AAK1: variants seen among roughly 807,000 people sequenced by gnomAD.
The protein encoded by AAK1 is AP2-associated protein kinase 1.
A neutral mutation model predicts 116.0 loss-of-function variants in AAK1; 37 were observed. The ratio of observed to expected loss-of-function variants is 0.32; its 90% CI spans 0.25 to 0.42. AAK1 has a LOEUF of 0.42. AAK1 is among the 10% of genes least tolerant of loss of function. The probability of loss-of-function intolerance (pLI) is 1.00; values close to 1 mark genes in which losing one functional copy is unlikely to be tolerated. For synonymous variants in AAK1, 458 were observed against 439.9 expected (o/e 1.04, Z -0.51); for missense variants, 919 against 1,170.6 (o/e 0.79, Z 3.14).
At chr2:69,485,342 T>C (rs1394208475) in intron 17 of AAK1, among the ~76,000 whole-genome samples, 1 of 152,228 alleles carries the variant, frequency 6.6e-6, no homozygotes, top group Non-Finnish European at 1.5e-5. Context: ...GGTGACATGT[T>C]GTGACTCTGG....
rs1159854090 is a variant in AAK1 at position 69,643,004 on chromosome 2, C to A, written c.37G>T (p.Gly13Cys). 1.2e-6 allele frequency: 2 copies of A among 1,611,600 alleles called. No individual in the cohort carries two copies. The highest frequency in any genetic ancestry group is 1.7e-6 in the Non-Finnish European group (2 of 1,178,936). ...CTGGAGCCGGAGCCCAGGCCAGAGC[C>A]GCCCTGCTCTCGCCGGGAGTCGAAA... ...KFFDSRREQGGSGLGSGSSGG... is the reference protein window; with the variant it reads ...KFFDSRREQGCSGLGSGSSGG... Residue 13 changes from glycine (G) to cysteine (C), a missense_variant, in exon 2 of 22, where the codon GGC (glycine) becomes TGC (cysteine). Gly to Cys is a radical substitution (Grantham distance 159). Coordinates refer to ENST00000409085, the MANE Select transcript of AAK1 (RefSeq NM_014911.5).
At chr2:69,529,952 A>G (rs2105021907) in intron 8 of AAK1, 56 bp downstream of exon 8, 1 of 1,401,412 alleles carries the variant, frequency 7.1e-7, no homozygotes, top group Non-Finnish European at 9.5e-7. Flanking sequence ...TTATCCCCCA[A>G]TTCATTCTTT....
chr2:69,602,710 T>C (rs920046286), intron 2 of AAK1, among the ~76,000 whole-genome samples: 1 of 152,190 alleles, frequency 6.6e-6, no homozygotes, highest in African/African-American at 2.4e-5. Context: ...CCTCCTTTGA[T>C]ACTGCAGTGA....
chr2:69,563,316 C>T (rs1309570287), intron 2 of AAK1, among the ~76,000 whole-genome samples: 1 of 152,076 alleles, frequency 6.6e-6, no homozygotes, highest in South Asian at 2.1e-4. Context: ...AGAGGAGAAA[C>T]ACACCAAAGT....
chr2:69,486,894 A>G (rs1026642603), intron 17 of AAK1, among the ~76,000 whole-genome samples: 9 of 152,190 alleles, frequency 5.9e-5, no homozygotes, highest in Non-Finnish European at 8.8e-5. Flanking sequence ...TCACATAGAC[A>G]TGGTCCCAGG....
chr2:69,521,892 G>A (rs1669800668), intron 10 of AAK1, among the ~76,000 whole-genome samples: 1 of 152,210 alleles, frequency 6.6e-6, no homozygotes, highest in Admixed American at 6.5e-5. Context: ...AAGAAGTCTA[G>A]ATCCCTGAGG....
At chr2:69,539,347 A>C (rs569191231) in intron 5 of AAK1, among the ~76,000 whole-genome samples, 2 of 152,316 alleles carry the variant, frequency 1.3e-5, no homozygotes, top group East Asian at 3.9e-4. Context: ...AGTATGAGTC[A>C]CACGGTGGTG....
chr2:69,610,234 G>A (rs894722975), intron 2 of AAK1, among the ~76,000 whole-genome samples: 3 of 152,162 alleles, frequency 2.0e-5, no homozygotes, highest in African/African-American at 4.8e-5. Context: ...TTCAGCAAGC[G>A]TGCCAAGACC....
At chr2:69,618,517 C>T (rs1232540060) in intron 2 of AAK1, among the ~76,000 whole-genome samples, 1 of 152,194 alleles carries the variant, frequency 6.6e-6, no homozygotes, top group Non-Finnish European at 1.5e-5. Flanking sequence ...GAGGTCAGAA[C>T]TTTCCTTGCT....
chr2:69,465,865 T>C lies in AAK1; in HGVS notation c.*10004A>G. On this transcript the variant is annotated 3_prime_UTR_variant, in exon 22 of 22. Transcript: ENST00000409085. ...GCTTGGACAGAGGTGTACACAGCTC[T>C]CTCACGGCCCGCGGGCAGGGGGACA... 7.7e-7 allele frequency: 1 copy of C among 1,290,806 alleles called. No homozygotes were observed. The highest frequency in any genetic ancestry group is 1.5e-5 in the African/African-American group (1 of 65,920). The allele number at this position is 1,290,806 out of a possible 1,614,324, so 80.0% of individuals were successfully genotyped here.
At chr2:69,517,448 C>T (rs1676628845) in intron 12 of AAK1, among the ~76,000 whole-genome samples, 1 of 151,994 alleles carries the variant, frequency 6.6e-6, no homozygotes, top group Non-Finnish European at 1.5e-5. Flanking sequence ...CCTCAATACA[C>T]CGATTGATCT....
At chr2:69,500,698 T>TAGACACACAC in intron 16 of AAK1, among the ~76,000 whole-genome samples, 1 of 65,102 alleles carries the variant, frequency 1.5e-5, no homozygotes, top group African/African-American at 7.9e-5. Context: ...TATATATATA[T>TAGACACACAC]ACACACACAC....
rs904885086 is a variant in AAK1, at chr2:69,613,329, G to C, written c.163+29549C>G. On this transcript the variant is annotated intron_variant, in intron 2 of 21. Transcript: ENST00000409085. Reference sequence around the variant, plus strand: ...CTTGTAGTAATTTCCTGAGTGGTAGGGGTGATAGGAGCATCTTTTGTTAAT... The same window carrying C: ...CTTGTAGTAATTTCCTGAGTGGTAGCGGTGATAGGAGCATCTTTTGTTAAT... Among the ~76,000 whole-genome samples, 6 of 152,170 alleles carry C rather than the reference G, an allele frequency of 3.9e-5. 1 individual carries two copies. Among genetic ancestry groups the C allele is most frequent in the Admixed American group, 3.9e-4 (6 of 15,276 alleles).
At chr2:69,595,826 A>G (rs973255847) in intron 2 of AAK1, among the ~76,000 whole-genome samples, 1 of 152,244 alleles carries the variant, frequency 6.6e-6, no homozygotes, top group Non-Finnish European at 1.5e-5. Flanking sequence ...AGGAGAAGTC[A>G]GTGCCTGGCT....
rs1670285671 is a variant in AAK1 at position 69,532,175 on chromosome 2, C to T, written c.535-13G>A. ...GGATGTTTTCAACCTGAAAAACATT[C>T]CCCAACCACCCATTCCAAGATATCA... On this transcript the variant is annotated splice_polypyrimidine_tract_variant and intron_variant, in intron 5 of 21. Coordinates refer to ENST00000409085, the MANE Select transcript of AAK1 (RefSeq NM_014911.5). 2 of 1,612,430 alleles carry T rather than the reference C, an allele frequency of 1.2e-6. No individual in the cohort carries two copies. Among genetic ancestry groups the T allele is most frequent in the Non-Finnish European group, 1.7e-6 (2 of 1,178,886 alleles).
chr2:69,604,744 C>T (rs577162113), intron 2 of AAK1, among the ~76,000 whole-genome samples: 69 of 152,210 alleles, frequency 4.5e-4, no homozygotes, highest in African/African-American at 1.6e-3. Context: ...GGGTCCAATA[C>T]GTCTCTAGCT....
intron 2 of AAK1, among the ~76,000 whole-genome samples, chr2:69,627,539 C>G (rs1573022426): frequency 6.6e-6 from 1 of 152,100 alleles, no homozygotes; most frequent in South Asian, 2.1e-4. Context: ...AGGCACCAGC[C>G]AAGCCTTAGA....
At chr2:69,639,039 C>T (rs1675578577) in intron 2 of AAK1, among the ~76,000 whole-genome samples, 1 of 152,120 alleles carries the variant, frequency 6.6e-6, no homozygotes, top group Non-Finnish European at 1.5e-5. Context: ...CATTTTTAAG[C>T]CTTACTAGTT....
chr2:69,520,478 C>G (rs145994695), intron 11 of AAK1, among the ~76,000 whole-genome samples: 3,050 of 151,888 alleles, frequency 0.02, 94 homozygotes, highest in African/African-American at 0.07. Context: ...CCTGCCTCAG[C>G]CTCCCCAGTA....
Sources: allele counts gnomAD v4.1 joint callset (sites outside exome capture counted in the v4.1 genomes callset), GRCh38; gene constraint gnomAD v4.1.1; transcripts MANE v1.5; gene names NCBI Gene and HGNC (gene_info 2026-07-23, HGNC 2026-07-21).